SLC17A6: variants seen among roughly 807,000 people sequenced by gnomAD.
SLC17A6 encodes the protein vesicular glutamate transporter 2.
A neutral mutation model predicts 67.1 loss-of-function variants in SLC17A6; 35 were observed. That is an observed-to-expected ratio of 0.52 (90% CI 0.40 to 0.69). SLC17A6 has a LOEUF of 0.69. Ranked by LOEUF, SLC17A6 falls within the 30% of genes least tolerant of loss-of-function variation. The probability of loss-of-function intolerance (pLI) is 0.00; values close to 1 mark genes in which losing one functional copy is unlikely to be tolerated. For synonymous variants in SLC17A6, 285 were observed against 252.3 expected (o/e 1.13, Z -1.23); for missense variants, 588 against 723.9 (o/e 0.81, Z 2.15).
chr11:22,352,240 G>A (rs562338261), intron 3 of SLC17A6, among the ~76,000 whole-genome samples: 10 of 152,306 alleles, frequency 6.6e-5, no homozygotes, highest in African/African-American at 2.2e-4. Context: ...ATGCAAGACT[G>A]AGGCCACACT....
At chr11:22,369,837 G>T (rs1338991632) in intron 7 of SLC17A6, among the ~76,000 whole-genome samples, 4 of 151,936 alleles carry the variant, frequency 2.6e-5, no homozygotes, top group Non-Finnish European at 4.4e-5. Flanking sequence ...TGCAGTGATT[G>T]AGATCTTATT....
At chr11:22,347,470 G>T (rs954880703) in intron 3 of SLC17A6, among the ~76,000 whole-genome samples, 1 of 149,462 alleles carries the variant, frequency 6.7e-6, no homozygotes, top group Non-Finnish European at 1.5e-5. Context: ...ATTGCTTGCC[G>T]TTATTATTTA....
chr11:22,376,613 G>A lies in SLC17A6; in HGVS notation c.1354G>A (p.Val452Ile). 1 of 1,613,980 alleles carries A rather than the reference G, an allele frequency of 6.2e-7. No individual in the cohort carries two copies. Among genetic ancestry groups the A allele is most frequent in the Non-Finnish European group, 8.5e-7 (1 of 1,179,932 alleles). ...TATCTTAATGGGCATTTCGAATGGT[G>A]TTGGCACATTGTCAGGAATGGTTTG... ...ASILMGISNG[V>I]GTLSGMVCPI... Residue 452 changes from valine (V) to isoleucine (I), a missense_variant, in exon 11 of 12, where the codon GTT (valine) becomes ATT (isoleucine). By Grantham distance (29) the Val-to-Ile change is conservative. Coordinates refer to ENST00000263160, the MANE Select transcript of SLC17A6 (RefSeq NM_020346.3).
At chr11:22,354,489 C>A (rs1392351231) in intron 3 of SLC17A6, among the ~76,000 whole-genome samples, 1 of 152,196 alleles carries the variant, frequency 6.6e-6, no homozygotes, top group African/African-American at 2.4e-5. Flanking sequence ...TCATAAATGA[C>A]CCTCTCCATT....
intron 8 of SLC17A6, among the ~76,000 whole-genome samples, chr11:22,371,358 T>TTTCTTAGAATTTCTTAGAA (rs1204136354): frequency 1.3e-5 from 2 of 152,012 alleles, no homozygotes; most frequent in Admixed American, 1.3e-4. Flanking sequence ...AAACCTCAGT[T>TTTCTTAGAATTTCTTAGAA]TAGGAGTAGC....
chr11:22,375,623 G>A (rs996237359), intron 9 of SLC17A6, among the ~76,000 whole-genome samples: 3 of 151,812 alleles, frequency 2.0e-5, no homozygotes, highest in African/African-American at 4.8e-5. Flanking sequence ...TGGGTTTACA[G>A]GCATGTGCCA....
Position 22,378,541 on chromosome 11 carries a change from T to C in SLC17A6, c.*801T>C, listed in dbSNP as rs1384453513. The C allele has an allele frequency of 6.6e-6, 1 of 150,928 alleles. No individual in the cohort carries two copies. Among genetic ancestry groups the C allele is most frequent in the Non-Finnish European group, 1.5e-5 (1 of 67,828 alleles). 9.3% of individuals were successfully genotyped at this position (150,928 alleles called of 1,614,324 possible). A position where few individuals can be genotyped will look rare whatever the true frequency, so the allele number is the denominator to read the frequency against. On this transcript the variant is annotated 3_prime_UTR_variant, in exon 12 of 12. Coordinates refer to ENST00000263160, the MANE Select transcript of SLC17A6 (RefSeq NM_020346.3). The stretch of plus-strand genomic sequence containing the variant: ...TGTATTTTTTATTACAACTTTGTAC[T>C]GGTTGTAACTTGCATTAGAAAAAAA...
chr11:22,374,191 C>T (rs1856205292), intron 8 of SLC17A6, among the ~76,000 whole-genome samples: 2 of 151,824 alleles, frequency 1.3e-5, no homozygotes, highest in Non-Finnish European at 2.9e-5. Flanking sequence ...AACTATATGC[C>T]ACCATACAAA....
At chr11:22,374,957 T>C in intron 9 of SLC17A6, 70 bp downstream of exon 9, 1 of 1,383,214 alleles carries the variant, frequency 7.2e-7, no homozygotes, top group East Asian at 2.5e-5. Flanking sequence ...GAGAATAACT[T>C]TTTCTACACA....
At chr11:22,360,753 A>G (rs1471458800) in intron 4 of SLC17A6, 144 bp from the exon 5 acceptor site, 1 of 612,726 alleles carries the variant, frequency 1.6e-6, no homozygotes. Context: ...ATTGATTAAT[A>G]TACAGTCTTT....
intron 2 of SLC17A6, 64 bp from the exon 3 acceptor site, chr11:22,343,183 G>A: frequency 7.2e-7 from 1 of 1,380,106 alleles, no homozygotes; most frequent in Non-Finnish European, 1.0e-6. Flanking sequence ...GTGAACCACT[G>A]AAAGTGAGCC....
chr11:22,360,123 A>AC (rs200577200), intron 4 of SLC17A6, among the ~76,000 whole-genome samples: 6 of 151,236 alleles, frequency 4.0e-5, no homozygotes, highest in African/African-American at 1.2e-4. Context: ...AAAAAAAAAA[A>AC]CCCTTTCTCA....
intron 7 of SLC17A6, 55 bp from the exon 8 acceptor site, chr11:22,369,984 C>T (rs1590393388): frequency 1.3e-6 from 2 of 1,547,028 alleles, no homozygotes; most frequent in African/African-American, 1.4e-5. Context: ...ATTATTCCCA[C>T]TTAGGTTTGA....
chr11:22,355,029 T>C (rs1170198480), intron 3 of SLC17A6, among the ~76,000 whole-genome samples: 1 of 152,222 alleles, frequency 6.6e-6, no homozygotes, highest in Non-Finnish European at 1.5e-5. Flanking sequence ...ATTAGTATTA[T>C]TATCATGCAA....
intron 3 of SLC17A6, among the ~76,000 whole-genome samples, chr11:22,353,529 A>T (rs1422781546): frequency 1.3e-5 from 2 of 152,252 alleles, no homozygotes; most frequent in Non-Finnish European, 2.9e-5. Flanking sequence ...TCACAGGGTA[A>T]TAAAAAAAGA....
chr11:22,338,744 GCTTGGAGCGGGGGTGCTCTGGAAACCTGC>G (rs1855765367), intron 1 of SLC17A6, 125 bp downstream of exon 1: 5 of 701,446 alleles, frequency 7.1e-6, no homozygotes, highest in Non-Finnish European at 1.2e-5. Context: ...GTTGCCCATT[GCTTGGAGCGGGGGTGCTCTGGAAACCTGC>G]TTATTAATGC....
chr11:22,357,552 G>A (rs1590385849), intron 3 of SLC17A6, among the ~76,000 whole-genome samples: 1 of 152,016 alleles, frequency 6.6e-6, no homozygotes, highest in Non-Finnish European at 1.5e-5. Flanking sequence ...CACAACAAAC[G>A]GTTATCTACG....
At chr11:22,359,289 T>C in intron 3 of SLC17A6, 124 bp from the exon 4 acceptor site, 1 of 486,184 alleles carries the variant, frequency 2.1e-6, no homozygotes, top group Non-Finnish European at 3.4e-6. Context: ...GAAAAAACAA[T>C]CTACCTTAAA....
intron 1 of SLC17A6, among the ~76,000 whole-genome samples, chr11:22,340,076 T>C (rs140979447): frequency 0.015 from 2,298 of 152,340 alleles, 80 homozygotes; most frequent in Admixed American, 0.086. Flanking sequence ...CTGACATTTT[T>C]CTTCGGGTGG....
Sources: gnomAD v4.1 joint callset for allele counts (sites outside exome capture counted in the v4.1 genomes callset) on GRCh38, gnomAD v4.1.1 for gene constraint, MANE v1.5 for transcripts, NCBI Gene and HGNC (gene_info 2026-07-23, HGNC 2026-07-21) for gene names.